Variants in GAB1 observed in about 807,000 individuals in gnomAD.
GAB1 encodes the protein GRB2 associated binding protein 1.
GAB1 carries 19 observed loss-of-function variants against 66.5 expected under a neutral mutation model. That is an observed-to-expected ratio of 0.29 (90% confidence interval 0.20 to 0.42). The LOEUF (loss-of-function observed/expected upper bound fraction) is 0.42, where lower values mean the gene tolerates loss of function less well. Ranked by LOEUF, GAB1 falls within the 10% of genes least tolerant of loss-of-function variation. GAB1 has a pLI of 1.00. For synonymous variants in GAB1, 294 were observed against 301.4 expected (o/e 0.98, Z 0.25); for missense variants, 732 against 858.5 (o/e 0.85, Z 1.84).
Position 143,426,056 on chromosome 4 carries a change from T to C in GAB1, c.368-7435T>C, listed in dbSNP as rs988944619. ...GTATAAGGTGTTAGAGTTTGTTAGA[T>C]GAGCTATGAAGACTTGACATTACAT... On this transcript the variant is annotated intron_variant, in intron 2 of 9. Coordinates refer to ENST00000262994, the MANE Select transcript of GAB1 (RefSeq NM_002039.4). 6.9e-6 allele frequency: 4 copies of C among 579,454 alleles called. No individual in the cohort carries two copies. The African/African-American group carries it at 7.5e-5, about 11-fold the overall frequency. The allele number at this position is 579,454 out of a possible 1,614,324, so 35.9% of individuals were successfully genotyped here.
intron 1 of GAB1, among the ~76,000 whole-genome samples, chr4:143,408,971 C>T (rs1732214993): frequency 6.6e-6 from 1 of 152,176 alleles, no homozygotes; most frequent in Admixed American, 6.5e-5. Context: ...AAGTATTGCT[C>T]TTCAGCTATC....
chr4:143,379,959 T>A (rs910886746), intron 1 of GAB1, among the ~76,000 whole-genome samples: 4 of 150,924 alleles, frequency 2.7e-5, no homozygotes, highest in Non-Finnish European at 5.9e-5. Context: ...TCTGCTCTTT[T>A]GGGGCTTACA....
intron 2 of GAB1, among the ~76,000 whole-genome samples, chr4:143,419,779 T>G (rs1001230531): frequency 1.5e-4 from 23 of 152,286 alleles, no homozygotes; most frequent in African/African-American, 5.5e-4. Flanking sequence ...ATAGCCACAT[T>G]TAGAAGTGTC....
At chr4:143,424,856 G>A in intron 2 of GAB1, 1 of 420,910 alleles carries the variant, frequency 2.4e-6, no homozygotes, top group Non-Finnish European at 4.4e-6. Context: ...TCGGGAGGCT[G>A]AGGCAGGAGA....
At position 143,473,425 on chromosome 4, in the gene GAB1, T is replaced by G. The variant is rs1405570939; in HGVS notation, c.*4236T>G. The G allele has an allele frequency of 6.6e-6, 1 of 152,216 alleles. No homozygotes were observed. Among genetic ancestry groups the G allele is most frequent in the Non-Finnish European group, 1.5e-5 (1 of 68,048 alleles). The allele number at this position is 152,216 out of a possible 1,614,324, so 9.4% of individuals were successfully genotyped here. A position where few individuals can be genotyped will look rare whatever the true frequency, so the allele number is the denominator to read the frequency against. On this transcript the variant is annotated 3_prime_UTR_variant, in exon 10 of 10. Coordinates refer to ENST00000262994, the MANE Select transcript of GAB1 (RefSeq NM_002039.4). ...TGCATCAAAAACCCAATTCTGCCAT[T>G]AACTGTGCTTCCCAGTCCCACCTCT...
At chr4:143,375,132 G>C (rs1409030136) in intron 1 of GAB1, among the ~76,000 whole-genome samples, 1 of 152,280 alleles carries the variant, frequency 6.6e-6, no homozygotes, top group Non-Finnish European at 1.5e-5. Context: ...TATTTTACTA[G>C]AGACGGGGTT....
intron 1 of GAB1, among the ~76,000 whole-genome samples, chr4:143,386,319 G>A (rs1730911202): frequency 1.3e-5 from 2 of 152,154 alleles, no homozygotes; most frequent in Admixed American, 1.3e-4. Context: ...GGAGAAGAGA[G>A]TAAAGTCTAA....
intron 1 of GAB1, among the ~76,000 whole-genome samples, chr4:143,339,997 C>G (rs1708832445): frequency 2.6e-5 from 4 of 151,676 alleles, no homozygotes; most frequent in African/African-American, 9.8e-5. Flanking sequence ...AGGAAACCAG[C>G]ATGGAGTGTA....
At chr4:143,408,586 T>A (rs1732192382) in intron 1 of GAB1, among the ~76,000 whole-genome samples, 1 of 152,192 alleles carries the variant, frequency 6.6e-6, no homozygotes, top group Admixed American at 6.5e-5. Flanking sequence ...TGTATATATA[T>A]CCATGTCACT....
chr4:143,338,686 C>G (rs1332633895), intron 1 of GAB1, among the ~76,000 whole-genome samples: 1 of 139,456 alleles, frequency 7.2e-6, no homozygotes, highest in Non-Finnish European at 1.6e-5. Flanking sequence ...GTTTTTTTTT[C>G]CAGCTGTTCT....
chr4:143,460,051 T>TA (rs1288623225), intron 7 of GAB1, among the ~76,000 whole-genome samples: 3 of 152,010 alleles, frequency 2.0e-5, no homozygotes, highest in Admixed American at 2.0e-4. Flanking sequence ...ATATAGTTTT[T>TA]AAAAAAATAG....
At position 143,469,098 on chromosome 4, in the gene GAB1, A is replaced by G. The variant is rs1735956985; in HGVS notation, c.1994A>G (p.Gln665Arg). 1.9e-6 allele frequency: 3 copies of G among 1,614,110 alleles called. No individual in the cohort carries two copies. The highest frequency in any genetic ancestry group is 2.2e-5 in the South Asian group (2 of 91,092). ...GTGGATTATGTTGTTGTTGACCAACAGAAGACCTTGGCTCTAAAGAGTACC... is the reference window on the plus strand; with the variant it reads ...GTGGATTATGTTGTTGTTGACCAACGGAAGACCTTGGCTCTAAAGAGTACC... ...ERVDYVVVDQ[Q>R]KTLALKSTRE... The change falls in exon 10 of 10, where the codon CAG becomes CGG. Residue 665 changes from glutamine to arginine, a missense_variant. By Grantham distance (43) the Gln-to-Arg change is conservative. Around this residue, in one of 4 missense-constraint regions of GAB1, gnomAD observed 204 missense variants for 276.8 expected, o/e 0.74. Coordinates refer to ENST00000262994, the MANE Select transcript of GAB1 (RefSeq NM_002039.4).
chr4:143,421,698 C>CTTTTCTTTT (rs1733029521), intron 2 of GAB1, among the ~76,000 whole-genome samples: 1 of 118,692 alleles, frequency 8.4e-6, no homozygotes. Flanking sequence ...CTTTTCTTTT[C>CTTTTCTTTT]TTTTTTTTTT....
At chr4:143,404,510 T>G (rs1263572436) in intron 1 of GAB1, among the ~76,000 whole-genome samples, 1 of 152,244 alleles carries the variant, frequency 6.6e-6, no homozygotes, top group Admixed American at 6.5e-5. Context: ...TTGATCTTGC[T>G]TGTCTCTTAA....
intron 6 of GAB1, among the ~76,000 whole-genome samples, chr4:143,441,549 TTTCAACAGGAGGTTAACCTCC>T (rs1192309222): frequency 2.6e-5 from 4 of 152,060 alleles, no homozygotes; most frequent in East Asian, 1.9e-4. Flanking sequence ...AACCTCCTCG[TTTCAACAGGAGGTTAACCTCC>T]TTCAACAAGG....
intron 6 of GAB1, among the ~76,000 whole-genome samples, chr4:143,445,774 T>C (rs186734601): frequency 1.3e-4 from 20 of 152,280 alleles, no homozygotes; most frequent in Admixed American, 5.9e-4. Flanking sequence ...GAATCACATT[T>C]ATTGATTTGT....
chr4:143,383,497 T>G (rs1048867746), intron 1 of GAB1, among the ~76,000 whole-genome samples: 5 of 152,158 alleles, frequency 3.3e-5, no homozygotes, highest in African/African-American at 1.2e-4. Context: ...TTCTGAGAAG[T>G]GTAAGAAAAG....
chr4:143,342,465 A>G (rs181812520), intron 1 of GAB1, among the ~76,000 whole-genome samples: 19 of 149,714 alleles, frequency 1.3e-4, no homozygotes, highest in Admixed American at 5.4e-4. Context: ...AAAATCCCAT[A>G]TTTTAGACTT....
intron 1 of GAB1, among the ~76,000 whole-genome samples, chr4:143,406,169 T>A (rs1262967466): frequency 6.6e-6 from 1 of 152,224 alleles, no homozygotes; most frequent in Non-Finnish European, 1.5e-5. Flanking sequence ...TCATCCTACC[T>A]TCTACTGAAT....
Sources: allele counts gnomAD v4.1 joint callset (sites outside exome capture counted in the v4.1 genomes callset), GRCh38; gene constraint gnomAD v4.1.1; regional missense constraint gnomAD v4.1.1; transcripts MANE v1.5; gene names NCBI Gene and HGNC (gene_info 2026-07-23, HGNC 2026-07-21).